PSMA3: variants seen among roughly 807,000 people sequenced by gnomAD.
The protein encoded by PSMA3 is proteasome subunit alpha type-3.
PSMA3 carries 8 observed loss-of-function variants against 40.0 expected under a neutral mutation model. The ratio of observed to expected loss-of-function variants is 0.20; its 90% CI spans 0.12 to 0.36. The LOEUF (loss-of-function observed/expected upper bound fraction) is 0.36. Among genes scored for constraint, PSMA3 ranks in the 10% least tolerant of loss-of-function variants. The pLI, the probability that PSMA3 is intolerant of heterozygous loss-of-function variation, is 1.00. For synonymous variants in PSMA3, 110 were observed against 100.0 expected (o/e 1.10, Z -0.59); for missense variants, 219 against 310.6 (o/e 0.70, Z 2.22).
At chr14:58,260,682 G>A (rs569480281) in intron 5 of PSMA3, among the ~76,000 whole-genome samples, 39 of 152,104 alleles carry the variant, frequency 2.6e-4, no homozygotes, top group South Asian at 6.2e-4. Flanking sequence ...TTCATCTATC[G>A]TTACTCCTTT....
chr14:58,251,934 C>T (rs1044987584), intron 2 of PSMA3, among the ~76,000 whole-genome samples, 185 bp from the exon 3 acceptor site: 7 of 152,134 alleles, frequency 4.6e-5, no homozygotes, highest in Admixed American at 4.6e-4. Context: ...GGGAGGGTCA[C>T]ATGATATTTA....
At chr14:58,263,846 T>G in intron 7 of PSMA3, 76 bp downstream of exon 7, 1 of 1,352,084 alleles carries the variant, frequency 7.4e-7, no homozygotes, top group East Asian at 2.3e-5. Context: ...GACATTTCAG[T>G]CTAAGGCAGG....
intron 8 of PSMA3, chr14:58,268,150 T>C (rs1890501098): frequency 6.6e-6 from 1 of 152,198 alleles, no homozygotes; most frequent in Admixed American, 6.5e-5. Context: ...GTAGTGATGT[T>C]TCTAAAATTT....
intron 3 of PSMA3, among the ~76,000 whole-genome samples, chr14:58,256,290 C>A (rs902302466): frequency 6.6e-6 from 1 of 152,106 alleles, no homozygotes; most frequent in Non-Finnish European, 1.5e-5. Flanking sequence ...TATCTCTCGT[C>A]TAAAATGCTT....
chr14:58,248,684 G>T (rs1227635611), intron 2 of PSMA3, among the ~76,000 whole-genome samples: 3 of 152,034 alleles, frequency 2.0e-5, no homozygotes, highest in Admixed American at 6.5e-5. Flanking sequence ...GCCGGGCGTG[G>T]TGGCTCACGC....
intron 3 of PSMA3, among the ~76,000 whole-genome samples, chr14:58,257,291 A>G (rs1454574770): frequency 6.6e-6 from 1 of 151,994 alleles, no homozygotes; most frequent in African/African-American, 2.4e-5. Flanking sequence ...AGGTCAGGAG[A>G]TCAAGACCGT....
Position 58,252,141 on chromosome 14 carries a change from A to G in PSMA3, c.127A>G (p.Lys43Glu), listed in dbSNP as rs985960967. The G allele has an allele frequency of 6.2e-7, 1 of 1,611,994 alleles. No individual in the cohort carries two copies. Reference protein sequence around the residue: ...NSSTAIGIRCKDGVVFGVEKL... With the variant: ...NSSTAIGIRCEDGVVFGVEKL... ...CAGTACAGCTATTGGAATCAGATGC[A>G]AAGATGGTGTTGTCTTTGGGGTAGA... Residue 43 changes from lysine (K) to glutamate (E), a missense_variant, in exon 3 of 11, where the codon AAA becomes GAA. By Grantham distance (56) the Lys-to-Glu change is moderately conservative. Transcript: ENST00000216455.
At chr14:58,250,114 G>A (rs186459482) in intron 2 of PSMA3, among the ~76,000 whole-genome samples, 1 of 151,318 alleles carries the variant, frequency 6.6e-6, no homozygotes, top group East Asian at 1.9e-4. Context: ...CAGCTACTTG[G>A]GAGGTTGAGA....
At chr14:58,267,399 T>C in intron 7 of PSMA3, 75 bp from the exon 8 acceptor site, 1 of 1,378,458 alleles carries the variant, frequency 7.3e-7, no homozygotes, top group African/African-American at 1.5e-5. Context: ...TATATCTGAG[T>C]ATAAAAGTGA....
At position 58,263,906 on chromosome 14, in the gene PSMA3, C is replaced by A. The variant is rs1890357994; in HGVS notation, c.543+136C>A. On this transcript the variant is annotated intron_variant, in intron 7 of 10. Coordinates refer to ENST00000216455, the MANE Select transcript of PSMA3 (RefSeq NM_002788.4). ...GGGCCACACATAAAATACACCAACA[C>A]TAATGATAGCTGATGAGCTTAAAAA... is the stretch of plus-strand genomic sequence containing the variant. The A allele has an allele frequency of 1.9e-5, 13 of 693,114 alleles. No homozygotes were observed. The Admixed American group carries it at 2.5e-4, about 13-fold the overall frequency. 42.9% of individuals were successfully genotyped at this position (693,114 alleles called of 1,614,324 possible).
intron 3 of PSMA3, among the ~76,000 whole-genome samples, chr14:58,255,638 GC>G (rs1231340208): frequency 6.6e-6 from 1 of 152,112 alleles, no homozygotes; most frequent in Non-Finnish European, 1.5e-5. Context: ...GCGTGGTGGC[GC>G]ATGCCTGTAC....
At chr14:58,258,511 A>G (rs1278297950) in intron 5 of PSMA3, 1 of 152,020 alleles carries the variant, frequency 6.6e-6, no homozygotes, top group Non-Finnish European at 1.5e-5. Flanking sequence ...ATTATAAAAC[A>G]AGGAACTGAT....
chr14:58,263,057 A>C (rs1594830483), intron 6 of PSMA3, among the ~76,000 whole-genome samples: 1 of 146,728 alleles, frequency 6.8e-6, no homozygotes. Flanking sequence ...GTCTCAGCTC[A>C]CTGCAACCTC....
At chr14:58,261,467 C>T (rs1890279121) in intron 6 of PSMA3, among the ~76,000 whole-genome samples, 1 of 152,138 alleles carries the variant, frequency 6.6e-6, no homozygotes, top group South Asian at 2.1e-4. Flanking sequence ...GTGTGAGCCA[C>T]CAGGCCCAGC....
intron 5 of PSMA3, 22 bp from the exon 6 acceptor site, chr14:58,260,926 C>A: frequency 1.3e-6 from 2 of 1,551,148 alleles, no homozygotes; most frequent in Non-Finnish European, 1.8e-6. Flanking sequence ...ATGGTTTAAG[C>A]TGTTTGTATA....
At chr14:58,256,085 C>T (rs1368237550) in intron 3 of PSMA3, among the ~76,000 whole-genome samples, 2 of 152,106 alleles carry the variant, frequency 1.3e-5, no homozygotes, top group African/African-American at 4.8e-5. Context: ...AACTCCTGAC[C>T]TCAGGTGATC....
intron 2 of PSMA3, among the ~76,000 whole-genome samples, chr14:58,248,667 A>C (rs1889931632): frequency 6.6e-6 from 1 of 152,082 alleles, no homozygotes; most frequent in Non-Finnish European, 1.5e-5. Flanking sequence ...AATGAAGAAA[A>C]AATGCAGCCG....
intron 3 of PSMA3, 110 bp from the exon 4 acceptor site, chr14:58,257,630 GTTTAT>G: frequency 1.1e-6 from 1 of 894,910 alleles, no homozygotes; most frequent in Non-Finnish European, 1.7e-6. Context: ...AGCCAAAAAA[GTTTAT>G]TTTGAATGGT....
chr14:58,271,661 C>CTTTGATAG (rs774291030), intron 10 of PSMA3, among the ~76,000 whole-genome samples, 190 bp from the exon 11 acceptor site: 7 of 152,124 alleles, frequency 4.6e-5, no homozygotes, highest in Non-Finnish European at 8.8e-5. Context: ...ATCAAAGATA[C>CTTTGATAG]AGTCATTGCA....
Sources: allele counts gnomAD v4.1 joint callset (sites outside exome capture counted in the v4.1 genomes callset), GRCh38; gene constraint gnomAD v4.1.1; transcripts MANE v1.5; gene names NCBI Gene and HGNC (gene_info 2026-07-23, HGNC 2026-07-21).